SGIP1: variants seen among roughly 807,000 people sequenced by gnomAD.
SGIP1 encodes SH3GL interacting endocytic adaptor 1.
Under a neutral mutation model 107.5 loss-of-function variants are expected in SGIP1, and 38 were observed. That is an observed-to-expected ratio of 0.35 (90% CI 0.27 to 0.46). SGIP1 has a LOEUF of 0.46. SGIP1 is among the 20% of genes least tolerant of loss of function. The pLI is 1.00. For synonymous variants in SGIP1, 365 were observed against 366.1 expected (o/e 1.00, Z 0.03); for missense variants, 929 against 1,019.5 (o/e 0.91, Z 1.21).
chr1:66,650,284 C>T (rs190874513), intron 7 of SGIP1, among the ~76,000 whole-genome samples: 5 of 152,094 alleles, frequency 3.3e-5, no homozygotes, highest in African/African-American at 1.2e-4. Flanking sequence ...GGTACTTCTT[C>T]GGGAGACTTA....
intron 1 of SGIP1, among the ~76,000 whole-genome samples, chr1:66,568,998 C>T (rs569670801): frequency 6.6e-6 from 1 of 151,956 alleles, no homozygotes; most frequent in Admixed American, 6.6e-5. Context: ...ATAAAAAGAC[C>T]TCAGCAATAT....
chr1:66,665,402 T>C (rs2082321239), intron 8 of SGIP1, among the ~76,000 whole-genome samples: 1 of 152,220 alleles, frequency 6.6e-6, no homozygotes, highest in South Asian at 2.1e-4. Context: ...TCCAAGTCTT[T>C]GCTATTGTGA....
In SGIP1 at chr1:66,534,253, A is replaced by G; in HGVS notation, c.-106A>G. On this transcript the variant is annotated 5_prime_UTR_variant, in exon 1 of 25. Coordinates refer to ENST00000371037, the MANE Select transcript of SGIP1 (RefSeq NM_032291.4). Reference sequence around the variant, plus strand: ...CTCCTTTGGCTTTGACAGCGGACGGAATAGACCTCAGCAGCGGCGTGGTGA... The same window carrying G: ...CTCCTTTGGCTTTGACAGCGGACGGGATAGACCTCAGCAGCGGCGTGGTGA... The G allele has an allele frequency of 1.6e-6, 2 of 1,218,444 alleles. No individual in the cohort carries two copies. Among genetic ancestry groups the G allele is most frequent in the Non-Finnish European group, 2.4e-6 (2 of 821,426 alleles). The allele number at this position is 1,218,444 out of a possible 1,614,324, so 75.5% of individuals were successfully genotyped here. A position where few individuals can be genotyped will look rare whatever the true frequency, so the allele number is the denominator to read the frequency against.
At chr1:66,666,321 AT>A in intron 8 of SGIP1, 1 of 169,622 alleles carries the variant, frequency 5.9e-6, no homozygotes, top group Admixed American at 6.3e-5. Flanking sequence ...GTTCTGTTCC[AT>A]TGGTCTATAT....
At chr1:66,554,520 A>G (rs1012585973) in intron 1 of SGIP1, among the ~76,000 whole-genome samples, 5 of 152,290 alleles carry the variant, frequency 3.3e-5, no homozygotes, top group Admixed American at 2.6e-4. Flanking sequence ...ACATGATGCC[A>G]TAAGTGGAAA....
chr1:66,613,569 A>T (rs2068515854), intron 1 of SGIP1, among the ~76,000 whole-genome samples: 1 of 152,174 alleles, frequency 6.6e-6, no homozygotes, highest in Admixed American at 6.5e-5. Context: ...AGCTCAAGTG[A>T]TGTGCCCACC....
intron 18 of SGIP1, among the ~76,000 whole-genome samples, chr1:66,716,266 T>G (rs1196907622): frequency 6.6e-6 from 1 of 152,188 alleles, no homozygotes; most frequent in African/African-American, 2.4e-5. Flanking sequence ...TACTGATTCA[T>G]GCTCATTGGA....
chr1:66,585,060 A>C (rs183044791), intron 1 of SGIP1, among the ~76,000 whole-genome samples: 1 of 152,314 alleles, frequency 6.6e-6, no homozygotes, highest in East Asian at 1.9e-4. Context: ...TGTTCCAGTC[A>C]CATGTGTGTT....
rs1570753464 is a variant in SGIP1 at position 66,622,858 on chromosome 1, T to G, written c.11-2989T>G. Among the ~76,000 whole-genome samples the G allele has an allele frequency of 2.6e-5, 4 of 152,202 alleles. No homozygotes were observed. The South Asian group carries it at 8.3e-4, about 32-fold the overall frequency. ...CCCTCCCATTTTTGGTAAAAAATAG[T>G]TGACAAAAAAATTTGTGCTCCACCC... On this transcript the variant is annotated intron_variant, in intron 1 of 24. Transcript: ENST00000371037.
At chr1:66,688,207 GT>G (rs1215041250) in intron 15 of SGIP1, among the ~76,000 whole-genome samples, 1 of 152,208 alleles carries the variant, frequency 6.6e-6, no homozygotes, top group African/African-American at 2.4e-5. Flanking sequence ...TCTAACGGAA[GT>G]GACAAAAACC....
At chr1:66,534,391 T>G (rs1449469862) in intron 1 of SGIP1, 23 bp downstream of exon 1, 2 of 1,613,904 alleles carry the variant, frequency 1.2e-6, no homozygotes, top group Admixed American at 3.3e-5. Flanking sequence ...CTGCTATGGT[T>G]GACTGGCTTC....
intron 1 of SGIP1, among the ~76,000 whole-genome samples, chr1:66,620,168 C>T (rs1395420779): frequency 6.6e-6 from 1 of 152,078 alleles, no homozygotes; most frequent in East Asian, 1.9e-4. Context: ...TTCTTCTTCA[C>T]CTGCAGGTCT....
intron 7 of SGIP1, among the ~76,000 whole-genome samples, chr1:66,659,956 AAGAAAGAAAG>A (rs1557495624): frequency 3.3e-4 from 10 of 30,086 alleles, no homozygotes; most frequent in East Asian, 0.011. Flanking sequence ...AAGAAAAAGA[AAGAAAGAAAG>A]AAAGAAAGAA....
At chr1:66,736,342 T>C (rs541544968) in intron 21 of SGIP1, among the ~76,000 whole-genome samples, 2 of 147,194 alleles carry the variant, frequency 1.4e-5, no homozygotes, top group South Asian at 4.2e-4. Flanking sequence ...TATAATACGA[T>C]ATATTATATG....
intron 24 of SGIP1, among the ~76,000 whole-genome samples, chr1:66,742,345 T>C (rs1025953450): frequency 1.3e-5 from 2 of 152,016 alleles, no homozygotes; most frequent in Non-Finnish European, 2.9e-5. Context: ...TTCAGTGATT[T>C]GCTGGGATAA....
intron 18 of SGIP1, among the ~76,000 whole-genome samples, chr1:66,715,488 G>C (rs2093184993): frequency 6.6e-6 from 1 of 152,038 alleles, no homozygotes; most frequent in South Asian, 2.1e-4. Flanking sequence ...GCGTGGGGGA[G>C]GTGGGTAAGG....
At chr1:66,660,103 A>AG (rs2080876121) in intron 7 of SGIP1, 1 of 63,774 alleles carries the variant, frequency 1.6e-5, no homozygotes, top group African/African-American at 1.3e-4. Context: ...GAAGGAAGGA[A>AG]GAAGGAAGGA....
At chr1:66,635,081 G>C (rs557764066) in intron 3 of SGIP1, among the ~76,000 whole-genome samples, 2 of 152,324 alleles carry the variant, frequency 1.3e-5, no homozygotes, top group East Asian at 3.9e-4. Context: ...ACAGGTGGTG[G>C]TGCACCTACC....
intron 21 of SGIP1, 128 bp from the exon 22 acceptor site, chr1:66,739,207 C>A: frequency 1.0e-6 from 1 of 978,732 alleles, no homozygotes. Flanking sequence ...AGCTCTCTCA[C>A]AGCACGCTTC....
Sources: gnomAD v4.1 joint callset for allele counts (sites outside exome capture counted in the v4.1 genomes callset) on GRCh38, gnomAD v4.1.1 for gene constraint, MANE v1.5 for transcripts, NCBI Gene and HGNC (gene_info 2026-07-23, HGNC 2026-07-21) for gene names.